Variants in INPP4B observed in about 807,000 individuals in gnomAD.
INPP4B encodes inositol polyphosphate-4-phosphatase type II B, also known as inositol polyphosphate 4-phosphatase type II.
Under a neutral mutation model 122.5 loss-of-function variants are expected in INPP4B, and 55 were observed. That is an observed-to-expected ratio of 0.45 (90% CI 0.36 to 0.56). INPP4B has a LOEUF of 0.56. Among genes scored for constraint, INPP4B ranks in the 20% least tolerant of loss-of-function variants. The pLI is 0.00. For synonymous variants in INPP4B, 403 were observed against 388.7 expected (o/e 1.04, Z -0.43); for missense variants, 1,000 against 1,097.7 (o/e 0.91, Z 1.26).
intron 24 of INPP4B, among the ~76,000 whole-genome samples, chr4:142,083,565 G>A (rs1478659551): frequency 6.6e-6 from 1 of 152,152 alleles, no homozygotes; most frequent in African/African-American, 2.4e-5. Context: ...CTGTCATCAA[G>A]CAGTCTTTAA....
intron 21 of INPP4B, among the ~76,000 whole-genome samples, chr4:142,120,962 A>C (rs1175722797): frequency 6.6e-6 from 1 of 152,132 alleles, no homozygotes; most frequent in African/African-American, 2.4e-5. Context: ...CCCTACCTGC[A>C]TGATCACTTT....
chr4:142,769,519 G>T (rs1476278261), intron 1 of INPP4B, among the ~76,000 whole-genome samples: 1 of 152,154 alleles, frequency 6.6e-6, no homozygotes, highest in East Asian at 1.9e-4. Context: ...TGGCACATGG[G>T]TGTTTAATGA....
At chr4:142,509,386 T>A (rs1477350801) in intron 2 of INPP4B, among the ~76,000 whole-genome samples, 1 of 151,746 alleles carries the variant, frequency 6.6e-6, no homozygotes, top group Non-Finnish European at 1.5e-5. Flanking sequence ...TTGCCCCCCA[T>A]CCCCTGACAG....
intron 17 of INPP4B, among the ~76,000 whole-genome samples, chr4:142,158,302 G>A (rs1014346573): frequency 3.3e-5 from 5 of 152,032 alleles, no homozygotes; most frequent in African/African-American, 1.2e-4. Context: ...CATTCTTGCT[G>A]TATCCCATGT....
At chr4:142,518,759 T>G (rs890676977) in intron 2 of INPP4B, 1 of 152,228 alleles carries the variant, frequency 6.6e-6, no homozygotes, top group African/African-American at 2.4e-5. Flanking sequence ...ATGGCCCACA[T>G]GATGAGAAAC....
chr4:142,592,595 A>T (rs961807457), intron 2 of INPP4B, among the ~76,000 whole-genome samples: 2 of 152,214 alleles, frequency 1.3e-5, no homozygotes, highest in Non-Finnish European at 2.9e-5. Flanking sequence ...TTTCTATGGA[A>T]TCAGTTCAAG....
At chr4:142,550,589 T>TACACACACACAC (rs113408746) in intron 2 of INPP4B, among the ~76,000 whole-genome samples, 7 of 140,548 alleles carry the variant, frequency 5.0e-5, no homozygotes, top group African/African-American at 1.8e-4. Flanking sequence ...ATGTAATATA[T>TACACACACACAC]ACACACACAC....
At chr4:142,580,046 A>G (rs1412560579) in intron 2 of INPP4B, among the ~76,000 whole-genome samples, 1 of 151,434 alleles carries the variant, frequency 6.6e-6, no homozygotes, top group East Asian at 1.9e-4. Flanking sequence ...ACTTGAAAAT[A>G]TGGTACAGAG....
chr4:142,307,316 C>T (rs1763783233), intron 8 of INPP4B, among the ~76,000 whole-genome samples: 1 of 152,136 alleles, frequency 6.6e-6, no homozygotes, highest in Non-Finnish European at 1.5e-5. Context: ...CTCCTCTATT[C>T]TCTATTCCTG....
At chr4:142,568,625 C>T (rs1003306396) in intron 2 of INPP4B, among the ~76,000 whole-genome samples, 1 of 151,932 alleles carries the variant, frequency 6.6e-6, no homozygotes, top group African/African-American at 2.4e-5. Context: ...TGTGACAAGT[C>T]TCAAAATAAG....
chr4:142,193,266 G>A (rs1438330216), intron 14 of INPP4B, 71 bp from the exon 15 acceptor site: 7 of 843,724 alleles, frequency 8.3e-6, no homozygotes, highest in Middle Eastern at 4.6e-4. Flanking sequence ...TTGCATTGAA[G>A]CATACCTATT....
At chr4:142,757,175 T>A (rs554323164) in intron 1 of INPP4B, among the ~76,000 whole-genome samples, 1 of 152,132 alleles carries the variant, frequency 6.6e-6, no homozygotes. Flanking sequence ...AGTTGTCATA[T>A]ACCCCTTCCT....
At chr4:142,575,780 C>A (rs1318971525) in intron 2 of INPP4B, among the ~76,000 whole-genome samples, 1 of 151,978 alleles carries the variant, frequency 6.6e-6, no homozygotes, top group Non-Finnish European at 1.5e-5. Context: ...AGAAGTAGTA[C>A]AAATATGACA....
chr4:142,418,069 C>T (rs17658809), intron 5 of INPP4B, among the ~76,000 whole-genome samples: 54,088 of 151,920 alleles, frequency 0.36, 10,198 homozygotes, highest in East Asian at 0.61. Flanking sequence ...TCAACAGATA[C>T]GCAGTCTAAT....
chr4:142,534,554 T>C (rs149297125), intron 2 of INPP4B, among the ~76,000 whole-genome samples: 3 of 152,190 alleles, frequency 2.0e-5, no homozygotes, highest in East Asian at 3.9e-4. Context: ...ATTTCTGTTC[T>C]TTCTAAATTA....
chr4:142,742,601 T>G (rs1768066415), intron 1 of INPP4B, among the ~76,000 whole-genome samples: 1 of 151,986 alleles, frequency 6.6e-6, no homozygotes, highest in African/African-American at 2.4e-5. Flanking sequence ...TCTTAAACTA[T>G]AATTTGAGAA....
intron 2 of INPP4B, among the ~76,000 whole-genome samples, chr4:142,529,688 A>T (rs1474756404): frequency 6.6e-6 from 1 of 152,040 alleles, no homozygotes; most frequent in East Asian, 1.9e-4. Flanking sequence ...AGTGTAAAAA[A>T]GGGGTCCTCA....
intron 17 of INPP4B, among the ~76,000 whole-genome samples, chr4:142,150,742 T>C (rs1396827436): frequency 2.0e-5 from 3 of 152,186 alleles, no homozygotes; most frequent in Non-Finnish European, 4.4e-5. Context: ...ACATTACACC[T>C]GGCAGATGAG....
intron 2 of INPP4B, among the ~76,000 whole-genome samples, chr4:142,665,755 CTAA>C (rs768721250): frequency 2.8e-4 from 43 of 152,022 alleles, no homozygotes; most frequent in African/African-American, 8.7e-4. Flanking sequence ...CCAAAAATAA[CTAA>C]TGTCATATTT....
Sources: gnomAD v4.1 joint callset for allele counts (sites outside exome capture counted in the v4.1 genomes callset) on GRCh38, gnomAD v4.1.1 for gene constraint, MANE v1.5 for transcripts, NCBI Gene and HGNC (gene_info 2026-07-23, HGNC 2026-07-21) for gene names.